Variants in TXK observed in about 807,000 individuals in gnomAD.
TXK encodes the protein tyrosine-protein kinase TXK.
In TXK, 60 loss-of-function variants were observed where a neutral mutation model predicts 81.0. The ratio of observed to expected loss-of-function variants is 0.74; its 90% confidence interval spans 0.60 to 0.92. The LOEUF is 0.92. Among genes scored for constraint, TXK ranks in the 40% least tolerant of loss-of-function variants. The probability of loss-of-function intolerance (pLI) is 0.00; values close to 1 mark genes in which losing one functional copy is unlikely to be tolerated. For missense variants in TXK, 581 were observed against 638.3 expected (o/e 0.91, Z 0.97); for synonymous variants, 203 against 210.7 (o/e 0.96, Z 0.32).
rs1327396767 is a variant in TXK, at chr4:48,112,969, G to GT, written c.174+237dup. ...CTCAAAATGACAGAAGCCAGAATAT[G>GT]TTTTTTCCCACTCATTGCCCATTTT... On this transcript the variant is annotated intron_variant, in intron 3 of 14. Coordinates refer to ENST00000264316, the MANE Select transcript of TXK (RefSeq NM_003328.3). Among the ~76,000 whole-genome samples the GT allele has an allele frequency of 5.3e-5, 8 of 152,150 alleles. No individual in the cohort carries two copies. In the South Asian group the frequency reaches 6.2e-4, roughly 12 times the overall value.
At chr4:48,085,510 G>A (rs566358681) in intron 10 of TXK, among the ~76,000 whole-genome samples, 2 of 152,030 alleles carry the variant, frequency 1.3e-5, no homozygotes, top group Non-Finnish European at 1.5e-5. Flanking sequence ...AGGTAGAAGC[G>A]GGCAGTTCCC....
chr4:48,094,868 A>G (rs1372831495), intron 7 of TXK, among the ~76,000 whole-genome samples: 2 of 152,196 alleles, frequency 1.3e-5, no homozygotes, highest in Non-Finnish European at 2.9e-5. Context: ...TGAATCCCAG[A>G]ACAGACCAAG....
intron 1 of TXK, among the ~76,000 whole-genome samples, chr4:48,122,215 CA>C (rs1452330939): frequency 6.6e-6 from 1 of 152,212 alleles, no homozygotes; most frequent in Non-Finnish European, 1.5e-5. Flanking sequence ...ACATGTTCCA[CA>C]AGAGCCTATA....
chr4:48,096,582 A>G lies in TXK; in HGVS notation c.502-1360T>C, dbSNP rs570374219. ...GTCACCCAGGCTAGAGTGCAATGGC[A>G]TGATCTCGGCTCACTGCAACCTCCA... On this transcript the variant is annotated intron_variant, in intron 6 of 14. Transcript: ENST00000264316. Among the ~76,000 whole-genome samples the G allele has an allele frequency of 2.1e-3, 321 of 152,258 alleles. 1 individual carries two copies. Among genetic ancestry groups the G allele is most frequent in the African/African-American group, 7.3e-3 (303 of 41,542 alleles).
chr4:48,109,497 T>C (rs1016301529), intron 5 of TXK: 1 of 152,170 alleles, frequency 6.6e-6, no homozygotes, highest in Non-Finnish European at 1.5e-5. Context: ...AAGGGCTAAA[T>C]GGCTCCAATA....
intron 1 of TXK, among the ~76,000 whole-genome samples, chr4:48,132,478 G>C (rs1719270113): frequency 6.6e-6 from 1 of 152,108 alleles, no homozygotes; most frequent in Non-Finnish European, 1.5e-5. Flanking sequence ...TTCTAGTTCT[G>C]ATTTCGTCCA....
chr4:48,132,413 T>G (rs1719268336), intron 1 of TXK, among the ~76,000 whole-genome samples: 1 of 152,150 alleles, frequency 6.6e-6, no homozygotes, highest in South Asian at 2.1e-4. Context: ...TCAGGTTTAT[T>G]GTTTCTTTAT....
At chr4:48,106,571 T>C (rs1718467650) in intron 5 of TXK, among the ~76,000 whole-genome samples, 2 of 152,142 alleles carry the variant, frequency 1.3e-5, no homozygotes, top group African/African-American at 4.8e-5. Flanking sequence ...CTGTATGTTA[T>C]GTGAACACCT....
intron 11 of TXK, among the ~76,000 whole-genome samples, chr4:48,077,077 GT>G (rs1291687462): frequency 6.6e-6 from 1 of 151,870 alleles, no homozygotes; most frequent in African/African-American, 2.4e-5. Context: ...TCTCTAATAC[GT>G]AATAAAAATT....
chr4:48,067,875 T>A (rs1257774671), intron 14 of TXK, among the ~76,000 whole-genome samples, 170 bp from the exon 15 acceptor site: 1 of 152,140 alleles, frequency 6.6e-6, no homozygotes, highest in Non-Finnish European at 1.5e-5. Flanking sequence ...ACCTGCGGCA[T>A]AAATAGGCTA....
chr4:48,073,032 C>T (rs1440252247), intron 13 of TXK, among the ~76,000 whole-genome samples: 3 of 152,122 alleles, frequency 2.0e-5, no homozygotes, highest in Non-Finnish European at 4.4e-5. Context: ...TCAAGCAATC[C>T]TCCTGCCTCA....
chr4:48,082,298 A>G (rs1577653632), intron 10 of TXK, among the ~76,000 whole-genome samples: 1 of 152,214 alleles, frequency 6.6e-6, no homozygotes, highest in Non-Finnish European at 1.5e-5. Context: ...CATGCCTCAT[A>G]ACCATTAACA....
rs771089426 is a variant in TXK, at chr4:48,110,561, T to C, written c.423A>G (p.Lys141=). Residue 141 remains lysine, a synonymous_variant, in exon 5 of 15, where the codon AAA becomes AAG. Transcript: ENST00000264316. The stretch of plus-strand genomic sequence containing the variant: ...ACTCATATATTTCTAAATTAGTTAT[T>C]TTGTTTTCAGTCACATAGTTGCTTG... ...LIPSNYVTEN[K]ITNLEIYEWY... 5 of 1,611,756 alleles carry C rather than the reference T, an allele frequency of 3.1e-6. No homozygotes were observed. Among genetic ancestry groups the C allele is most frequent in the Non-Finnish European group, 4.2e-6 (5 of 1,178,434 alleles).
intron 5 of TXK, among the ~76,000 whole-genome samples, chr4:48,110,219 C>A (rs2661526): frequency 0.037 from 5,576 of 152,220 alleles, 347 homozygotes; most frequent in African/African-American, 0.13. Flanking sequence ...GTTAAGTTTA[C>A]CACTCATTGA....
At chr4:48,133,766 T>G (rs9991974) in intron 1 of TXK, among the ~76,000 whole-genome samples, 59,255 of 152,028 alleles carry the variant, frequency 0.39, 11,894 homozygotes, top group Admixed American at 0.47. Flanking sequence ...TTTATATATA[T>G]ATAAAGTTGC....
At chr4:48,070,468 G>A (rs921177757) in intron 14 of TXK, among the ~76,000 whole-genome samples, 4 of 152,190 alleles carry the variant, frequency 2.6e-5, no homozygotes, top group South Asian at 2.1e-4. Context: ...ACAAAGCAAA[G>A]TTGAGTGAAG....
At chr4:48,100,422 T>C (rs1718149874) in intron 6 of TXK, among the ~76,000 whole-genome samples, 1 of 151,916 alleles carries the variant, frequency 6.6e-6, no homozygotes, top group South Asian at 2.1e-4. Flanking sequence ...GAAAAGGAAA[T>C]ACAGACATAT....
At chr4:48,117,258 C>T (rs4695337) in intron 1 of TXK, among the ~76,000 whole-genome samples, 3,629 of 152,272 alleles carry the variant, frequency 0.024, 156 homozygotes, top group African/African-American at 0.084. Context: ...ACTGCCAACA[C>T]CTTGGCTGGA....
chr4:48,086,738 T>A, intron 9 of TXK, 101 bp from the exon 10 acceptor site: 1 of 1,086,838 alleles, frequency 9.2e-7, no homozygotes, highest in Non-Finnish European at 1.3e-6. Flanking sequence ...ACAGAGAGGT[T>A]AAAAAATGTA....
Sources: allele counts gnomAD v4.1 joint callset (sites outside exome capture counted in the v4.1 genomes callset), GRCh38; gene constraint gnomAD v4.1.1; transcripts MANE v1.5; gene names NCBI Gene and HGNC (gene_info 2026-07-23, HGNC 2026-07-21).